Variants in HUNK observed in about 807,000 individuals in gnomAD.
HUNK encodes hormonally up-regulated neu tumor-associated kinase.
A neutral mutation model predicts 61.0 loss-of-function variants in HUNK; 21 were observed. That is an observed-to-expected ratio of 0.34 (90% CI 0.24 to 0.50). HUNK has a LOEUF of 0.50. HUNK is among the 20% of genes least tolerant of loss of function. The probability of loss-of-function intolerance (pLI) is 0.98; values close to 1 mark genes in which losing one functional copy is unlikely to be tolerated. For missense variants in HUNK, 772 were observed against 945.7 expected, an observed-to-expected ratio of 0.82 and a Z score of 2.41; for synonymous variants, 371 against 386.1, an observed-to-expected ratio of 0.96 and a Z score of 0.46.
chr21:31,969,570 CTTTTTTT>C (rs1005480558), intron 6 of HUNK, among the ~76,000 whole-genome samples: 10 of 143,742 alleles, frequency 7.0e-5, no homozygotes, highest in African/African-American at 2.5e-4. Flanking sequence ...TCTCTTTTTT[CTTTTTTT>C]TTTTTTTGAG....
intron 4 of HUNK, among the ~76,000 whole-genome samples, chr21:31,950,501 A>G (rs892302064): frequency 6.6e-5 from 10 of 152,192 alleles, no homozygotes; most frequent in African/African-American, 2.2e-4. Flanking sequence ...GGAACAGCAT[A>G]TGCAAAAGGC....
intron 2 of HUNK, among the ~76,000 whole-genome samples, chr21:31,936,739 CT>C (rs1208742839): frequency 1.3e-5 from 2 of 150,564 alleles, no homozygotes; most frequent in Admixed American, 1.3e-4. Flanking sequence ...ATTTTTTTTT[CT>C]TTTGCATTTT....
Position 31,983,592 on chromosome 21 carries a change from C to T in HUNK, c.1240C>T (p.Pro414Ser), listed in dbSNP as rs1384835488. The stretch of plus-strand genomic sequence containing the variant: ...CTACCAGATAGAAAAGTACAGGGCC[C>T]CCAAGGAGTCCTATGAGGTGAGTGA... ...RLYQIEKYRA[P>S]KESYEASLDT... Residue 414 changes from proline (P) to serine (S), a missense_variant, in exon 8 of 11, where the codon CCC (proline) becomes TCC (serine). Physicochemically the swap from Pro to Ser is moderately conservative, Grantham distance 74. Coordinates refer to ENST00000270112, the MANE Select transcript of HUNK (RefSeq NM_014586.2). The T allele has an allele frequency of 3.1e-6, 5 of 1,613,256 alleles. No individual in the cohort carries two copies. Among genetic ancestry groups the T allele is most frequent in the Non-Finnish European group, 4.2e-6 (5 of 1,179,570 alleles).
chr21:31,968,715 A>AGTGTGTGTGTGT (rs746064468), intron 6 of HUNK, among the ~76,000 whole-genome samples: 10 of 88,338 alleles, frequency 1.1e-4, no homozygotes, highest in Middle Eastern at 6.2e-3. Flanking sequence ...CTGTGGCCCG[A>AGTGTGTGTGTGT]GTGTGTGTGT....
Position 31,999,839 on chromosome 21 carries a change from T to C in HUNK, c.*655T>C, listed in dbSNP as rs1212974096. The C allele has an allele frequency of 1.4e-5, 3 of 215,722 alleles. No individual in the cohort carries two copies. The highest frequency in any genetic ancestry group is 4.6e-5 in the African/African-American group (2 of 43,916). The allele number at this position is 215,722 out of a possible 1,614,324, so 13.4% of individuals were successfully genotyped here. ...TGATAGATTTTTGTTGTTGTTGTTG[T>C]TGAAACATGCTAATGATTGAATTAT... On this transcript the variant is annotated 3_prime_UTR_variant, in exon 11 of 11. Coordinates refer to ENST00000270112, the MANE Select transcript of HUNK (RefSeq NM_014586.2).
intron 1 of HUNK, among the ~76,000 whole-genome samples, chr21:31,889,175 A>G (rs1422735990): frequency 6.6e-6 from 1 of 152,164 alleles, no homozygotes; most frequent in African/African-American, 2.4e-5. Flanking sequence ...TAAAAACAAA[A>G]CAAAATACCC....
At chr21:31,995,312 G>GC (rs1267767750) in intron 9 of HUNK, among the ~76,000 whole-genome samples, 4 of 152,238 alleles carry the variant, frequency 2.6e-5, no homozygotes. Flanking sequence ...TGTTGTGTTG[G>GC]CACCTCCTTG....
Position 32,000,925 on chromosome 21 carries a change from T to G in HUNK, c.*1741T>G, listed in dbSNP as rs2053241421. ...GGATGAGGTCAGACCCCTTGGCCATTGGTGTTATTTTTTGTATAGCTTCAG... is the reference window on the plus strand; with the variant it reads ...GGATGAGGTCAGACCCCTTGGCCATGGGTGTTATTTTTTGTATAGCTTCAG... On this transcript the variant is annotated 3_prime_UTR_variant, in exon 11 of 11. Coordinates refer to ENST00000270112, the MANE Select transcript of HUNK (RefSeq NM_014586.2). 1 of 395,148 alleles carries G rather than the reference T, an allele frequency of 2.5e-6. No individual in the cohort carries two copies. The highest frequency in any genetic ancestry group is 4.5e-6 in the Non-Finnish European group (1 of 224,664). The allele number at this position is 395,148 out of a possible 1,614,324, so 24.5% of individuals were successfully genotyped here.
rs571366244 is a variant in HUNK, at chr21:31,992,639, G to A, written c.1305+2463G>A. Reference sequence around the variant, plus strand: ...AGGGAAGCCAGGAGTCTCTGCAGGCGGCAGCCTTGCCGTGTGAGGAGCTTG... The same window carrying A: ...AGGGAAGCCAGGAGTCTCTGCAGGCAGCAGCCTTGCCGTGTGAGGAGCTTG... On this transcript the variant is annotated intron_variant, in intron 9 of 10. Coordinates refer to ENST00000270112, the MANE Select transcript of HUNK (RefSeq NM_014586.2). Among the ~76,000 whole-genome samples, 27 of 152,338 alleles carry A rather than the reference G, an allele frequency of 1.8e-4. 1 individual carries two copies. In the South Asian group the frequency reaches 5.2e-3, roughly 29 times the overall value.
At chr21:31,906,779 C>T (rs532945390) in intron 1 of HUNK, among the ~76,000 whole-genome samples, 1 of 152,096 alleles carries the variant, frequency 6.6e-6, no homozygotes. Flanking sequence ...TCAGCTGGTC[C>T]GTGGGCTCAG....
chr21:31,919,198 G>A lies in HUNK; in HGVS notation c.262-5270G>A, dbSNP rs1410490521. Among the ~76,000 whole-genome samples the A allele has an allele frequency of 9.9e-5, 15 of 151,376 alleles. No homozygotes were observed. In the South Asian group the frequency reaches 1.3e-3, roughly 13 times the overall value. On this transcript the variant is annotated intron_variant, in intron 1 of 10. Coordinates refer to ENST00000270112, the MANE Select transcript of HUNK (RefSeq NM_014586.2). ...ATGAGGTTGAGGGGCTGGACTGAGCGGTATGAGGAGGAGGGGCTGGAATGA... is the reference window on the plus strand; with the variant it reads ...ATGAGGTTGAGGGGCTGGACTGAGCAGTATGAGGAGGAGGGGCTGGAATGA...
chr21:31,983,476 AT>A, intron 7 of HUNK, 49 bp from the exon 8 acceptor site: 4 of 1,409,270 alleles, frequency 2.8e-6, no homozygotes, highest in Non-Finnish European at 4.0e-6. Context: ...CTTAATGGGC[AT>A]TTCTATTTCT....
At position 32,000,177 on chromosome 21, in the gene HUNK, C is replaced by T. The variant is rs2053236677; in HGVS notation, c.*993C>T. 2.0e-5 allele frequency: 8 copies of T among 398,962 alleles called. No homozygotes were observed. Among genetic ancestry groups the T allele is most frequent in the Middle Eastern group, 1.3e-3 (2 of 1,588 alleles). 24.7% of individuals were successfully genotyped at this position (398,962 alleles called of 1,614,324 possible). A position where few individuals can be genotyped will look rare whatever the true frequency, so the allele number is the denominator to read the frequency against. ...ATGATTGTGACAATTCAGAGCATAA[C>T]TCAGATGGCGAGAAGGCAGCATTAT... On this transcript the variant is annotated 3_prime_UTR_variant, in exon 11 of 11. Transcript: ENST00000270112.
In HUNK at chr21:31,983,532, G is replaced by A; in HGVS notation, c.1180G>A (p.Asp394Asn). Reference sequence around the variant, plus strand: ...TTCTTTTCTCCTCTGGTAGAAATCTGACATCCAGGACAGCCTCTGCTACAA... The same window carrying A: ...TTCTTTTCTCCTCTGGTAGAAATCTAACATCCAGGACAGCCTCTGCTACAA... ...KLERYLSGKS[D>N]IQDSLCYKTR... The change falls in exon 8 of 11, where the codon GAC (aspartate) becomes AAC (asparagine). Residue 394 changes from aspartate to asparagine, a missense_variant. Coordinates refer to ENST00000270112, the MANE Select transcript of HUNK (RefSeq NM_014586.2). 1 of 1,613,400 alleles carries A rather than the reference G, an allele frequency of 6.2e-7. No homozygotes were observed. The highest frequency in any genetic ancestry group is 2.2e-5 in the East Asian group (1 of 44,878).
intron 5 of HUNK, 81 bp from the exon 6 acceptor site, chr21:31,968,169 G>A (rs899498407): frequency 1.9e-6 from 3 of 1,560,122 alleles, no homozygotes; most frequent in East Asian, 2.2e-5. Context: ...GCAAGGTGGC[G>A]AGTCCCCTGT....
chr21:31,885,067 C>CCT (rs2052336455), intron 1 of HUNK, among the ~76,000 whole-genome samples: 1 of 151,990 alleles, frequency 6.6e-6, no homozygotes, highest in African/African-American at 2.4e-5. Flanking sequence ...CACGAGTCAT[C>CCT]GCGCCTGGCC....
intron 4 of HUNK, among the ~76,000 whole-genome samples, chr21:31,949,509 A>G (rs912836676): frequency 6.6e-6 from 1 of 152,272 alleles, no homozygotes; most frequent in Middle Eastern, 3.4e-3. Flanking sequence ...TGGGTCTATA[A>G]TCACTTTCTT....
intron 1 of HUNK, among the ~76,000 whole-genome samples, chr21:31,909,778 T>C (rs1273088630): frequency 6.6e-6 from 1 of 152,226 alleles, no homozygotes; most frequent in African/African-American, 2.4e-5. Flanking sequence ...CTGCTTTCTG[T>C]TAAATAAGTA....
intron 1 of HUNK, among the ~76,000 whole-genome samples, chr21:31,891,720 G>A (rs2052388816): frequency 6.6e-6 from 1 of 152,046 alleles, no homozygotes; most frequent in South Asian, 2.1e-4. Flanking sequence ...TTCATCTTAT[G>A]GTGCTTTTAT....
Sources: gnomAD v4.1 joint callset for allele counts (sites outside exome capture counted in the v4.1 genomes callset) on GRCh38, gnomAD v4.1.1 for gene constraint, MANE v1.5 for transcripts, NCBI Gene and HGNC (gene_info 2026-07-23, HGNC 2026-07-21) for gene names.